MBOAT2: variants seen among roughly 807,000 people sequenced by gnomAD.
The protein encoded by MBOAT2 is membrane-bound glycerophospholipid O-acyltransferase 2.
A neutral mutation model predicts 63.4 loss-of-function variants in MBOAT2; 28 were observed. That is an observed-to-expected ratio of 0.44 (90% CI 0.33 to 0.61). The LOEUF (loss-of-function observed/expected upper bound fraction) is 0.61, where lower values mean the gene tolerates loss of function less well. Among genes scored for constraint, MBOAT2 ranks in the 20% least tolerant of loss-of-function variants. The probability of loss-of-function intolerance (pLI) is 0.03; values close to 1 mark genes in which losing one functional copy is unlikely to be tolerated. For missense variants in MBOAT2, 470 were observed against 605.8 expected, an observed-to-expected ratio of 0.78 and a Z score of 2.35; for synonymous variants, 211 against 215.6, an observed-to-expected ratio of 0.98 and a Z score of 0.19.
Position 8,869,627 on chromosome 2 carries a change from T to C in MBOAT2, c.884-1078A>G, listed in dbSNP as rs1662168238. 4.6e-5 allele frequency among the ~76,000 whole-genome samples: 7 copies of C among 152,300 alleles called. No individual in the cohort carries two copies. The South Asian group carries it at 1.4e-3, about 32-fold the overall frequency. On this transcript the variant is annotated intron_variant, in intron 8 of 12. Coordinates refer to ENST00000305997, the MANE Select transcript of MBOAT2 (RefSeq NM_138799.4). ...ACAAAATCCTTTAAAAATTACACTT[T>C]GGGGGAAAAGAATAAACAAGATTTA...
intron 3 of MBOAT2, among the ~76,000 whole-genome samples, chr2:8,909,742 A>G (rs1665574816): frequency 6.6e-6 from 1 of 152,258 alleles, no homozygotes; most frequent in Non-Finnish European, 1.5e-5. Context: ...AATGTTTAAC[A>G]AAGTTAATAT....
intron 2 of MBOAT2, among the ~76,000 whole-genome samples, chr2:8,956,109 TG>T (rs572959861): frequency 2.6e-5 from 4 of 152,312 alleles, no homozygotes; most frequent in Admixed American, 2.6e-4. Context: ...CACTGTATTA[TG>T]GGGGTCTAGA....
intron 9 of MBOAT2, among the ~76,000 whole-genome samples, chr2:8,865,546 C>T (rs1391524959): frequency 1.3e-5 from 2 of 152,178 alleles, no homozygotes; most frequent in Non-Finnish European, 2.9e-5. Context: ...CTCTCCCCTC[C>T]AAATAATCTC....
At chr2:8,926,402 T>C (rs1224251832) in intron 3 of MBOAT2, among the ~76,000 whole-genome samples, 1 of 152,118 alleles carries the variant, frequency 6.6e-6, no homozygotes, top group Admixed American at 6.5e-5. Flanking sequence ...AAACTCAACA[T>C]AGAGTACAAG....
chr2:8,877,324 T>C, intron 6 of MBOAT2, 111 bp from the exon 7 acceptor site: 1 of 1,019,574 alleles, frequency 9.8e-7, no homozygotes, highest in Non-Finnish European at 1.4e-6. Flanking sequence ...CAAGCTTTCA[T>C]TTTCATTTGT....
At chr2:8,982,159 C>T (rs927468415) in intron 1 of MBOAT2, among the ~76,000 whole-genome samples, 8 of 152,086 alleles carry the variant, frequency 5.3e-5, no homozygotes, top group Non-Finnish European at 8.8e-5. Flanking sequence ...CACATGAAAA[C>T]GCTAATGTAT....
At chr2:8,985,972 G>A (rs762011686) in intron 1 of MBOAT2, among the ~76,000 whole-genome samples, 53 of 152,276 alleles carry the variant, frequency 3.5e-4, no homozygotes, top group Middle Eastern at 3.4e-3. Flanking sequence ...AAACTTTACA[G>A]TGGAGAAATC....
rs7567208 is a variant in MBOAT2 at position 8,998,358 on chromosome 2, T to C, written c.75+5182A>G. Among the ~76,000 whole-genome samples the C allele has an allele frequency of 3.6e-3, 542 of 152,314 alleles. 1 individual carries two copies. The highest frequency in any genetic ancestry group is 0.012 in the African/African-American group (506 of 41,552). Reference sequence around the variant, plus strand: ...GAGTTAAATATTTATGTTCTAAACCTAGAGCATTCAAATGGCAAGTTGAAA... The same window carrying C: ...GAGTTAAATATTTATGTTCTAAACCCAGAGCATTCAAATGGCAAGTTGAAA... On this transcript the variant is annotated intron_variant, in intron 1 of 12. Transcript: ENST00000305997.
At chr2:8,909,126 T>C (rs1219449545) in intron 3 of MBOAT2, among the ~76,000 whole-genome samples, 1 of 152,214 alleles carries the variant, frequency 6.6e-6, no homozygotes, top group Non-Finnish European at 1.5e-5. Flanking sequence ...TCCTCGATAG[T>C]CTAAAAGCAT....
intron 4 of MBOAT2, among the ~76,000 whole-genome samples, chr2:8,890,288 A>G (rs544234171): frequency 1.3e-5 from 2 of 152,320 alleles, no homozygotes; most frequent in Non-Finnish European, 2.9e-5. Flanking sequence ...CTGTGCCCAC[A>G]AAAACACACA....
At chr2:8,932,763 A>G (rs1394925487) in intron 3 of MBOAT2, among the ~76,000 whole-genome samples, 4 of 152,066 alleles carry the variant, frequency 2.6e-5, no homozygotes, top group Non-Finnish European at 5.9e-5. Flanking sequence ...GAGAAAAAAA[A>G]AAAAACACTC....
intron 6 of MBOAT2, among the ~76,000 whole-genome samples, chr2:8,879,895 C>T (rs1054387242): frequency 6.6e-6 from 1 of 152,008 alleles, no homozygotes. Context: ...GAAAACAAAG[C>T]GGAGCAAAGG....
intron 4 of MBOAT2, among the ~76,000 whole-genome samples, chr2:8,899,795 A>T (rs1236824052): frequency 6.6e-6 from 1 of 152,234 alleles, no homozygotes; most frequent in Non-Finnish European, 1.5e-5. Context: ...TCTGAGGGCC[A>T]TGACTAAGGC....
intron 3 of MBOAT2, among the ~76,000 whole-genome samples, chr2:8,910,837 A>C (rs1348207648): frequency 1.3e-5 from 2 of 152,218 alleles, no homozygotes; most frequent in Non-Finnish European, 2.9e-5. Context: ...TCAAAATGAA[A>C]AGAGATGTTT....
Position 8,877,453 on chromosome 2 carries a change from C to G in MBOAT2, c.507-240G>C, listed in dbSNP as rs578004271. 3.3e-5 allele frequency among the ~76,000 whole-genome samples: 5 copies of G among 152,302 alleles called. No homozygotes were observed. In the South Asian group the frequency reaches 1.0e-3, roughly 32 times the overall value. ...TGAAGGTTTCAACTTAGATTTCTCACGATGAGACAAATCAAAGATGGACGC... is the reference window on the plus strand; with the variant it reads ...TGAAGGTTTCAACTTAGATTTCTCAGGATGAGACAAATCAAAGATGGACGC... On this transcript the variant is annotated intron_variant, in intron 6 of 12. Coordinates refer to ENST00000305997, the MANE Select transcript of MBOAT2 (RefSeq NM_138799.4).
At chr2:9,001,142 T>C (rs1456056475) in intron 1 of MBOAT2, among the ~76,000 whole-genome samples, 2 of 152,194 alleles carry the variant, frequency 1.3e-5, no homozygotes, top group African/African-American at 4.8e-5. Flanking sequence ...ACAATAACAA[T>C]GCCTTCTGGA....
rs764737241 is a variant in MBOAT2 at position 8,906,178 on chromosome 2, A to G, written c.395+2443T>C. Among the ~76,000 whole-genome samples, 37 of 152,162 alleles carry G rather than the reference A, an allele frequency of 2.4e-4. 1 individual carries two copies. The highest frequency in any genetic ancestry group is 4.9e-4 in the Non-Finnish European group (33 of 68,024). ...TTTTGCCATGTTGCCCAAACTCCTG[A>G]GCCCAGGTGATCCACCTGCCTTGGC... On this transcript the variant is annotated intron_variant, in intron 4 of 12. Coordinates refer to ENST00000305997, the MANE Select transcript of MBOAT2 (RefSeq NM_138799.4).
chr2:8,925,024 A>G (rs1487146489), intron 3 of MBOAT2, among the ~76,000 whole-genome samples: 3 of 152,210 alleles, frequency 2.0e-5, no homozygotes, highest in East Asian at 1.9e-4. Context: ...AAAACTACCA[A>G]TGTAATGGCA....
intron 1 of MBOAT2, among the ~76,000 whole-genome samples, chr2:8,998,253 C>A (rs563863245): frequency 6.6e-6 from 1 of 152,326 alleles, no homozygotes; most frequent in African/African-American, 2.4e-5. Flanking sequence ...TCGTTCACAG[C>A]AGACTCTCCG....
Sources: allele counts gnomAD v4.1 joint callset (sites outside exome capture counted in the v4.1 genomes callset), GRCh38; gene constraint gnomAD v4.1.1; transcripts MANE v1.5; gene names NCBI Gene and HGNC (gene_info 2026-07-23, HGNC 2026-07-21).